The following ZNF239 variants were observed in gnomAD, a reference collection of about 807,000 sequenced individuals.
The protein encoded by ZNF239 is zinc finger protein 239.
Under a neutral mutation model 27.5 loss-of-function variants are expected in ZNF239, and 16 were observed. The observed-to-expected ratio is 0.58, with a 90% confidence interval of 0.39 to 0.88. The LOEUF is 0.88. ZNF239 is among the 40% of genes least tolerant of loss of function. ZNF239 has a pLI of 0.00. For missense variants in ZNF239, 527 were observed against 551.9 expected, an observed-to-expected ratio of 0.95 and a Z score of 0.45; for synonymous variants, 199 against 192.6, an observed-to-expected ratio of 1.03 and a Z score of -0.27.
In ZNF239 at chr10:43,556,826, G is replaced by A. The variant is rs1393680856; in HGVS notation, c.1254C>T (p.Leu418=). Residue 418 remains leucine (L), a synonymous_variant, in exon 4 of 4, where the codon CTC becomes CTT. Coordinates refer to ENST00000374446, the MANE Select transcript of ZNF239 (RefSeq NM_001099282.2). Reference sequence around the variant, plus strand: ...CAGTATGTACTCTCTGGTGGATGAGGAGTTTGGAACTCTGGCTAAATCCCT... The same window carrying A: ...CAGTATGTACTCTCTGGTGGATGAGAAGTTTGGAACTCTGGCTAAATCCCT... ...CGKGFSQSSK[L]LIHQRVHTGE... is the part of the protein sequence containing the mutation. 2 of 1,610,972 alleles carry A rather than the reference G, an allele frequency of 1.2e-6. No individual in the cohort carries two copies. Among genetic ancestry groups the A allele is most frequent in the East Asian group, 4.5e-5 (2 of 44,568 alleles).
At chr10:43,567,472 G>GGAAA (rs1228509470) in intron 3 of ZNF239, among the ~76,000 whole-genome samples, 10 of 152,140 alleles carry the variant, frequency 6.6e-5, no homozygotes, top group Non-Finnish European at 1.3e-4. Flanking sequence ...GTAGCACATA[G>GGAAA]GAAACATCCT....
In ZNF239 at chr10:43,556,917, G is replaced by A. The variant is rs377453832; in HGVS notation, c.1163C>T (p.Ser388Leu). The A allele has an allele frequency of 8.1e-6, 13 of 1,613,782 alleles. No homozygotes were observed. Among genetic ancestry groups the A allele is most frequent in the Middle Eastern group, 1.6e-4 (1 of 6,082 alleles). ...GACTCTGAGATGGATGCGAAGATCC[G>A]AGCTCTGGCTGAAACCCTTCCCACA... is the stretch of plus-strand genomic sequence containing the variant. ...YECGKGFSQSSDLRIHLRVHT... is the reference protein window; with the variant it reads ...YECGKGFSQSLDLRIHLRVHT... Residue 388 changes from serine (S) to leucine (L), a missense_variant, in exon 4 of 4, where the codon TCG becomes TTG. By Grantham distance (145) the Ser-to-Leu change is moderately radical. Coordinates refer to ENST00000374446, the MANE Select transcript of ZNF239 (RefSeq NM_001099282.2).
intron 2 of ZNF239, 56 bp downstream of exon 2, chr10:43,573,581 G>T: frequency 1.0e-6 from 1 of 979,076 alleles, no homozygotes; most frequent in Non-Finnish European, 1.2e-6. Flanking sequence ...AACAACACAT[G>T]GCACAGGGAC....
At chr10:43,561,841 A>G (rs1221900790) in intron 3 of ZNF239, among the ~76,000 whole-genome samples, 1 of 152,148 alleles carries the variant, frequency 6.6e-6, no homozygotes, top group African/African-American at 2.4e-5. Context: ...AAAAACCCCC[A>G]AACCCCAAAA....
intron 2 of ZNF239, among the ~76,000 whole-genome samples, chr10:43,568,914 G>A (rs1837858895): frequency 6.6e-6 from 1 of 152,174 alleles, no homozygotes; most frequent in South Asian, 2.1e-4. Flanking sequence ...GCCAGGCGTG[G>A]TGATGTGTGC....
intron 3 of ZNF239, among the ~76,000 whole-genome samples, chr10:43,559,711 A>G (rs1210618265): frequency 1.3e-5 from 2 of 152,218 alleles, no homozygotes; most frequent in Non-Finnish European, 2.9e-5. Flanking sequence ...CGAGACTTAA[A>G]CAATTAGAGT....
At chr10:43,565,326 C>T (rs958033256) in intron 3 of ZNF239, among the ~76,000 whole-genome samples, 8 of 152,054 alleles carry the variant, frequency 5.3e-5, no homozygotes, top group Non-Finnish European at 1.2e-4. Flanking sequence ...TCAGGTGATC[C>T]GCCCACCTCG....
At chr10:43,570,253 G>C (rs1297954230) in intron 2 of ZNF239, 2 of 985,272 alleles carry the variant, frequency 2.0e-6, no homozygotes, top group Non-Finnish European at 2.4e-6. Context: ...TTCTGTTCAA[G>C]GTCACTGGTC....
At chr10:43,572,705 C>T (rs1409605989) in intron 2 of ZNF239, among the ~76,000 whole-genome samples, 3 of 152,192 alleles carry the variant, frequency 2.0e-5, no homozygotes, top group Non-Finnish European at 2.9e-5. Flanking sequence ...CCATCTCAAA[C>T]ACCATGGGAT....
At chr10:43,572,003 G>GA (rs1438768390) in intron 2 of ZNF239, among the ~76,000 whole-genome samples, 2 of 152,090 alleles carry the variant, frequency 1.3e-5, no homozygotes, top group East Asian at 1.9e-4. Context: ...AGTTTACAGA[G>GA]AAAAAAACCA....
chr10:43,568,297 T>A (rs1483977162), intron 2 of ZNF239: 1 of 985,416 alleles, frequency 1.0e-6, no homozygotes, highest in Non-Finnish European at 1.2e-6. Context: ...TCTTGTGTCA[T>A]TGCTGAGTTG....
intron 2 of ZNF239, chr10:43,570,875 G>A: frequency 1.0e-6 from 1 of 985,298 alleles, no homozygotes; most frequent in Non-Finnish European, 1.2e-6. Context: ...TCCATTCTGA[G>A]AAGGGAAAGG....
intron 2 of ZNF239, chr10:43,568,596 A>G: frequency 2.9e-6 from 1 of 350,266 alleles, no homozygotes; most frequent in Non-Finnish European, 4.0e-6. Flanking sequence ...AAAATAGCAC[A>G]TATACACACA....
At position 43,557,987 on chromosome 10, in the gene ZNF239, T is replaced by G. The variant is rs773363283; in HGVS notation, c.93A>C (p.Gln31His). ...TAGGAGAAGATGCTTCTCCCCACTGTTGACAAGGGGAAATATCTAGTTCAG... is the reference window on the plus strand; with the variant it reads ...TAGGAGAAGATGCTTCTCCCCACTGGTGACAAGGGGAAATATCTAGTTCAG... ...GEPELDISPC[Q>H]QWGEASSPIS... Residue 31 changes from glutamine to histidine, a missense_variant, in exon 4 of 4, where the codon CAA (glutamine) becomes CAC (histidine). Coordinates refer to ENST00000374446, the MANE Select transcript of ZNF239 (RefSeq NM_001099282.2). 1 of 1,614,140 alleles carries G rather than the reference T, an allele frequency of 6.2e-7. No individual in the cohort carries two copies. The highest frequency in any genetic ancestry group is 8.5e-7 in the Non-Finnish European group (1 of 1,179,980).
At position 43,556,517 on chromosome 10, in the gene ZNF239, T is replaced by A. The variant is rs1836747864; in HGVS notation, c.*186A>T. 10 of 709,806 alleles carry A rather than the reference T, an allele frequency of 1.4e-5. No homozygotes were observed. The Admixed American group carries it at 2.7e-4, about 19-fold the overall frequency. The allele number at this position is 709,806 out of a possible 1,614,324, so 44.0% of individuals were successfully genotyped here. ...CATCTGAGAAACAAGAACAATCCATTCATTGTACAGCATAACAAAGTGCTT... is the reference window on the plus strand; with the variant it reads ...CATCTGAGAAACAAGAACAATCCATACATTGTACAGCATAACAAAGTGCTT... On this transcript the variant is annotated 3_prime_UTR_variant, in exon 4 of 4. Coordinates refer to ENST00000374446, the MANE Select transcript of ZNF239 (RefSeq NM_001099282.2).
chr10:43,570,454 G>T, intron 2 of ZNF239: 1 of 984,222 alleles, frequency 1.0e-6, no homozygotes, highest in Non-Finnish European at 1.2e-6. Context: ...AGACCACAGA[G>T]AAAAAAAAAT....
In ZNF239 at chr10:43,558,064, T is replaced by G. The variant is rs1564455240; in HGVS notation, c.16A>C (p.Thr6Pro). Reference protein sequence around the residue: MASTITGSQDCIVNHR... With the variant: MASTIPGSQDCIVNHR... ...TTCACAATACAATCCTGACTTCCAGTAATTGTACTGGCCATGCCTTCCAAA... is the reference window on the plus strand; with the variant it reads ...TTCACAATACAATCCTGACTTCCAGGAATTGTACTGGCCATGCCTTCCAAA... The change falls in exon 4 of 4, where the codon ACT (threonine) becomes CCT (proline). Residue 6 changes from threonine (T) to proline (P), a missense_variant. Coordinates refer to ENST00000374446, the MANE Select transcript of ZNF239 (RefSeq NM_001099282.2). 1.9e-6 allele frequency: 3 copies of G among 1,613,658 alleles called. No individual in the cohort carries two copies. Among genetic ancestry groups the G allele is most frequent in the South Asian group, 2.2e-5 (2 of 91,022 alleles).
rs375752699 is a variant in ZNF239 at position 43,570,447 on chromosome 10, C to T, written c.-215-2426G>A. 1.3e-4 allele frequency: 127 copies of T among 985,224 alleles called. 1 individual carries two copies. The African/African-American group carries it at 2.1e-3, about 16-fold the overall frequency. The allele number at this position is 985,224 out of a possible 1,614,324, so 61.0% of individuals were successfully genotyped here. A position where few individuals can be genotyped will look rare whatever the true frequency, so the allele number is the denominator to read the frequency against. ...TTCCCAACCAGACCTTCTCTTCAGA[C>T]CACAGAGAAAAAAAAATTTCTTTCT... On this transcript the variant is annotated intron_variant, in intron 2 of 3. Transcript: ENST00000374446.
chr10:43,562,519 T>G (rs1376822485), intron 3 of ZNF239, among the ~76,000 whole-genome samples: 1 of 152,214 alleles, frequency 6.6e-6, no homozygotes, highest in African/African-American at 2.4e-5. Flanking sequence ...TTATATTTAT[T>G]TTTTAACCAT....
Sources: allele counts gnomAD v4.1 joint callset (sites outside exome capture counted in the v4.1 genomes callset), GRCh38; gene constraint gnomAD v4.1.1; transcripts MANE v1.5; gene names NCBI Gene and HGNC (gene_info 2026-07-23, HGNC 2026-07-21).